The following TNFRSF8 variants were observed in gnomAD, a reference collection of about 807,000 sequenced individuals.
TNFRSF8 encodes TNF receptor superfamily member 8, also known as tumor necrosis factor receptor superfamily member 8.
Under a neutral mutation model 70.8 loss-of-function variants are expected in TNFRSF8, and 26 were observed. The ratio of observed to expected loss-of-function variants is 0.37; its 90% CI spans 0.27 to 0.51. The LOEUF is 0.51. TNFRSF8 is among the 20% of genes least tolerant of loss of function. TNFRSF8 has a pLI of 0.94. For synonymous variants in TNFRSF8, 356 were observed against 339.2 expected (o/e 1.05, Z -0.54); for missense variants, 720 against 807.9 (o/e 0.89, Z 1.32).
At chr1:12,126,666 C>T (rs1159064834) in intron 12 of TNFRSF8, among the ~76,000 whole-genome samples, 2 of 152,166 alleles carry the variant, frequency 1.3e-5, no homozygotes, top group African/African-American at 4.8e-5. Flanking sequence ...GCAAGTCAGC[C>T]CAGGGGCAGG....
Position 12,142,368 on chromosome 1 carries a change from G to A in TNFRSF8, c.1625G>A (p.Gly542Glu), listed in dbSNP as rs1203122629. 1 of 1,610,602 alleles carries A rather than the reference G, an allele frequency of 6.2e-7. No individual in the cohort carries two copies. Among genetic ancestry groups the A allele is most frequent in the African/African-American group, 1.3e-5 (1 of 75,050 alleles). ...AELPEGRGLA[G>E]PAEPELEEEL... ...CTGCCGGAGGGCCGGGGCCTGGCGG[G>A]GCCAGCAGAGCCCGAGTTGGAGGAG... Residue 542 changes from glycine to glutamate, a missense_variant, in exon 15 of 15, where the codon GGG becomes GAG. Coordinates refer to ENST00000263932, the MANE Select transcript of TNFRSF8 (RefSeq NM_001243.5). This position sits in a 1 kb window ranked among gnomAD's most constrained non-coding sequence, Gnocchi z 5.0.
intron 1 of TNFRSF8, among the ~76,000 whole-genome samples, chr1:12,081,843 T>C (rs1331330306): frequency 6.6e-6 from 1 of 152,018 alleles, no homozygotes; most frequent in African/African-American, 2.4e-5. Flanking sequence ...CTTCCTTCCC[T>C]AAACCAAGAA....
chr1:12,118,271 C>T (rs1024499788), intron 8 of TNFRSF8, among the ~76,000 whole-genome samples: 4 of 152,068 alleles, frequency 2.6e-5, no homozygotes, highest in Admixed American at 6.5e-5. Context: ...CCACCACACC[C>T]GGCTAATTTT....
intron 1 of TNFRSF8, among the ~76,000 whole-genome samples, chr1:12,072,821 T>C (rs1640870871): frequency 6.6e-6 from 1 of 152,176 alleles, no homozygotes; most frequent in Non-Finnish European, 1.5e-5. Context: ...AGGAAACTCC[T>C]AAACCCCACC....
intron 1 of TNFRSF8, chr1:12,077,892 C>T (rs1640994154): frequency 1.3e-5 from 2 of 151,502 alleles, no homozygotes; most frequent in South Asian, 4.2e-4. Flanking sequence ...TAAATATGGA[C>T]CGTTTCATGA....
intron 12 of TNFRSF8, among the ~76,000 whole-genome samples, chr1:12,127,030 A>G (rs1363807562): frequency 6.6e-6 from 1 of 152,156 alleles, no homozygotes. Flanking sequence ...TCTTCCAGGC[A>G]GCCCTTGGGA....
intron 1 of TNFRSF8, 140 bp from the exon 2 acceptor site, chr1:12,084,324 T>C: frequency 2.6e-6 from 2 of 756,502 alleles, no homozygotes; most frequent in East Asian, 5.1e-5. Flanking sequence ...GCGGTGTGGG[T>C]TTGTGGAATC....
At chr1:12,135,092 G>A (rs532774595) in intron 12 of TNFRSF8, among the ~76,000 whole-genome samples, 1 of 152,052 alleles carries the variant, frequency 6.6e-6, no homozygotes, top group Non-Finnish European at 1.5e-5. Flanking sequence ...AAGGCGGGCA[G>A]GTCAGGAGGT....
intron 3 of TNFRSF8, among the ~76,000 whole-genome samples, chr1:12,097,810 C>A (rs1333439442): frequency 6.6e-6 from 1 of 152,020 alleles, no homozygotes; most frequent in African/African-American, 2.4e-5. Flanking sequence ...AATAAATGAT[C>A]ATGTATTTTC....
intron 2 of TNFRSF8, among the ~76,000 whole-genome samples, chr1:12,086,828 C>T (rs1460689628): frequency 6.6e-6 from 1 of 151,770 alleles, no homozygotes; most frequent in African/African-American, 2.4e-5. Context: ...TATATGCCAC[C>T]AATCCCCCTG....
chr1:12,066,446 C>T (rs1413257165), intron 1 of TNFRSF8, among the ~76,000 whole-genome samples: 1 of 151,520 alleles, frequency 6.6e-6, no homozygotes, highest in East Asian at 1.9e-4. Context: ...CACCCTCTCC[C>T]AGGTTCAAGT....
In TNFRSF8 at chr1:12,063,520, C is replaced by A. The variant is rs920742709; in HGVS notation, c.-79C>A. ...CGCGCGCGGCTGAGAACCGCCGGGA[C>A]CGCACGTGGGCGCCGCGCGCTTCCC... On this transcript the variant is annotated 5_prime_UTR_variant, in exon 1 of 15. Transcript: ENST00000263932. This position sits in a 1 kb window ranked among gnomAD's most constrained non-coding sequence, Gnocchi z 7.2. 1.9e-5 allele frequency: 24 copies of A among 1,248,626 alleles called. No individual in the cohort carries two copies. In the East Asian group the frequency reaches 7.3e-4, roughly 38 times the overall value. 77.3% of individuals were successfully genotyped at this position (1,248,626 alleles called of 1,614,324 possible).
In TNFRSF8 at chr1:12,108,548, C is replaced by T. The variant is rs1405122048; in HGVS notation, c.422-1018C>T. Among the ~76,000 whole-genome samples, 5 of 152,204 alleles carry T rather than the reference C, an allele frequency of 3.3e-5. No individual in the cohort carries two copies. The highest frequency in any genetic ancestry group is 3.9e-4 in the East Asian group (2 of 5,166). ...TATAGTCATTTGACTGGGCTGGGCACGGCAGCTTATGCCTGAAATCCCAGC... is the reference window on the plus strand; with the variant it reads ...TATAGTCATTTGACTGGGCTGGGCATGGCAGCTTATGCCTGAAATCCCAGC... On this transcript the variant is annotated intron_variant, in intron 4 of 14. Coordinates refer to ENST00000263932, the MANE Select transcript of TNFRSF8 (RefSeq NM_001243.5). The surrounding 1 kb of genome is among the most constrained non-coding windows in gnomAD (Gnocchi z 4.0).
At position 12,063,588 on chromosome 1, in the gene TNFRSF8, C is replaced by T. The variant is rs1377537203; in HGVS notation, c.-11C>T. On this transcript the variant is annotated 5_prime_UTR_variant, in exon 1 of 15. Transcript: ENST00000263932. This position sits in a 1 kb window ranked among gnomAD's most constrained non-coding sequence, Gnocchi z 7.2. ...GCCGGCCGCCAGGCCACCTCACGTCCGGCCCCGGGGATGCGCGTCCTCCTC... is the reference window on the plus strand; with the variant it reads ...GCCGGCCGCCAGGCCACCTCACGTCTGGCCCCGGGGATGCGCGTCCTCCTC... 16 of 1,310,806 alleles carry T rather than the reference C, an allele frequency of 1.2e-5. No individual in the cohort carries two copies. Among genetic ancestry groups the T allele is most frequent in the East Asian group, 3.1e-5 (1 of 31,920 alleles). 81.2% of individuals were successfully genotyped at this position (1,310,806 alleles called of 1,614,324 possible). A position where few individuals can be genotyped will look rare whatever the true frequency, so the allele number is the denominator to read the frequency against.
At position 12,086,216 on chromosome 1, in the gene TNFRSF8, G is replaced by A. The variant is rs952030563; in HGVS notation, c.151+1665G>A. Reference sequence around the variant, plus strand: ...CCCCCATGAGATGCAGACCAGGCTCGTGCTCAGGCCACCAAAGGACAGAGG... The same window carrying A: ...CCCCCATGAGATGCAGACCAGGCTCATGCTCAGGCCACCAAAGGACAGAGG... On this transcript the variant is annotated intron_variant, in intron 2 of 14. Transcript: ENST00000263932. Among the ~76,000 whole-genome samples the A allele has an allele frequency of 3.9e-5, 6 of 152,324 alleles. No homozygotes were observed. The South Asian group carries it at 6.2e-4, about 16-fold the overall frequency.
chr1:12,121,887 C>T (rs1481105158), intron 8 of TNFRSF8, among the ~76,000 whole-genome samples: 1 of 152,212 alleles, frequency 6.6e-6, no homozygotes, highest in Non-Finnish European at 1.5e-5. Flanking sequence ...AACAGAACGC[C>T]ATTTGGCAAC....
rs1642053690 is a variant in TNFRSF8 at position 12,131,829 on chromosome 1, T to C, written c.1310-3759T>C. On this transcript the variant is annotated intron_variant, in intron 12 of 14. Transcript: ENST00000263932. Reference sequence around the variant, plus strand: ...TTTTTTTTGAGGCAGAGTCTCGCTCTGTTGCCCAGGTTGGAGTGCAATGGC... The same window carrying C: ...TTTTTTTTGAGGCAGAGTCTCGCTCCGTTGCCCAGGTTGGAGTGCAATGGC... Among the ~76,000 whole-genome samples the C allele has an allele frequency of 2.6e-5, 4 of 151,930 alleles. 1 individual carries two copies. The highest frequency in any genetic ancestry group is 9.7e-5 in the African/African-American group (4 of 41,362).
chr1:12,069,956 G>C (rs981827058), intron 1 of TNFRSF8, among the ~76,000 whole-genome samples: 11 of 152,196 alleles, frequency 7.2e-5, no homozygotes, highest in Non-Finnish European at 1.6e-4. Context: ...GGCCCAGGGG[G>C]TAAAAGCCCC....
At chr1:12,081,450 C>T (rs1200672162) in intron 1 of TNFRSF8, among the ~76,000 whole-genome samples, 1 of 152,086 alleles carries the variant, frequency 6.6e-6, no homozygotes, top group Non-Finnish European at 1.5e-5. Context: ...CTGGCAGGTT[C>T]CTGCCCCCCT....
Sources: gnomAD v4.1 joint callset for allele counts (sites outside exome capture counted in the v4.1 genomes callset) on GRCh38, gnomAD v4.1.1 for gene constraint, Gnocchi (gnomAD v3.1) non-coding constraint, MANE v1.5 for transcripts, NCBI Gene and HGNC (gene_info 2026-07-23, HGNC 2026-07-21) for gene names.